MYO1D: variants seen among roughly 807,000 people sequenced by gnomAD.
MYO1D encodes the protein myosin ID, also known as unconventional myosin-Id.
In MYO1D, 83 loss-of-function variants were observed where a neutral mutation model predicts 122.0. The observed-to-expected ratio is 0.68, with a 90% CI of 0.57 to 0.82. MYO1D has a LOEUF of 0.82. Among genes scored for constraint, MYO1D ranks in the 40% least tolerant of loss-of-function variants. MYO1D has a pLI of 0.00. For missense variants in MYO1D, 1,157 were observed against 1,269.5 expected (o/e 0.91, Z 1.35); for synonymous variants, 464 against 446.9 (o/e 1.04, Z -0.48).
intron 1 of MYO1D, among the ~76,000 whole-genome samples, chr17:32,836,470 A>T (rs1308810745): frequency 6.6e-6 from 1 of 152,170 alleles, no homozygotes; most frequent in East Asian, 1.9e-4. Flanking sequence ...GCTCATTCCC[A>T]GTTAATTCTC....
At chr17:32,523,682 T>A (rs1910236992) in intron 21 of MYO1D, among the ~76,000 whole-genome samples, 1 of 150,270 alleles carries the variant, frequency 6.7e-6, no homozygotes, top group African/African-American at 2.5e-5. Flanking sequence ...GCACTTATAG[T>A]CCCAGCTACT....
chr17:32,520,067 A>G (rs757935222), intron 21 of MYO1D, among the ~76,000 whole-genome samples: 1 of 152,144 alleles, frequency 6.6e-6, no homozygotes, highest in Non-Finnish European at 1.5e-5. Context: ...TCCTGCTCAG[A>G]TTCCTGCTCC....
At chr17:32,726,618 GATATAGATA>G (rs2089577280) in intron 14 of MYO1D, among the ~76,000 whole-genome samples, 1 of 149,086 alleles carries the variant, frequency 6.7e-6, no homozygotes, top group Non-Finnish European at 1.5e-5. Flanking sequence ...AGATATAATA[GATATAGATA>G]TTAGATAATA....
At chr17:32,790,673 A>T (rs1162797623) in intron 1 of MYO1D, among the ~76,000 whole-genome samples, 2 of 152,208 alleles carry the variant, frequency 1.3e-5, no homozygotes, top group African/African-American at 2.4e-5. Context: ...TCAACTTCTG[A>T]GACAGACTTT....
chr17:32,665,325 C>T lies in MYO1D; in HGVS notation c.2122-5987G>A, dbSNP rs551176340. On this transcript the variant is annotated intron_variant, in intron 16 of 21. Coordinates refer to ENST00000318217, the MANE Select transcript of MYO1D (RefSeq NM_015194.3). ...CTTACATATTATGGTGTTATTTATG[C>T]TCTCTCCCACTAGAATTTAAGGGCC... is the stretch of plus-strand genomic sequence containing the variant. Among the ~76,000 whole-genome samples the T allele has an allele frequency of 2.4e-4, 37 of 152,090 alleles. 1 individual carries two copies. The highest frequency in any genetic ancestry group is 8.7e-4 in the African/African-American group (36 of 41,494).
At chr17:32,839,050 T>C (rs575158051) in intron 1 of MYO1D, among the ~76,000 whole-genome samples, 1 of 152,196 alleles carries the variant, frequency 6.6e-6, no homozygotes, top group Non-Finnish European at 1.5e-5. Context: ...TTCCATCATA[T>C]ATTTTTGCAA....
chr17:32,784,574 CAA>C (rs1567641113), intron 1 of MYO1D, among the ~76,000 whole-genome samples: 1 of 151,636 alleles, frequency 6.6e-6, no homozygotes, highest in Non-Finnish European at 1.5e-5. Context: ...TTAAGTGAAA[CAA>C]AGAGGTTCTA....
intron 21 of MYO1D, among the ~76,000 whole-genome samples, chr17:32,598,468 T>C (rs2087524517): frequency 6.6e-6 from 1 of 152,214 alleles, no homozygotes; most frequent in African/African-American, 2.4e-5. Context: ...AATTTTTGAT[T>C]TGTGGAATAC....
At chr17:32,741,534 C>T (rs1366496620) in intron 13 of MYO1D, among the ~76,000 whole-genome samples, 1 of 152,100 alleles carries the variant, frequency 6.6e-6, no homozygotes, top group Non-Finnish European at 1.5e-5. Context: ...TAGCCTGATG[C>T]CTTTATTTGT....
At chr17:32,540,981 G>A (rs1431642021) in intron 21 of MYO1D, among the ~76,000 whole-genome samples, 1 of 150,310 alleles carries the variant, frequency 6.7e-6, no homozygotes, top group Non-Finnish European at 1.5e-5. Context: ...GAAATTAGAA[G>A]CTTCATACGC....
Position 32,745,212 on chromosome 17 carries a change from T to G in MYO1D, c.1612A>C (p.Ser538Arg). ...FQDFKRLMYN[S>R]SNPVLKNMWP... The stretch of plus-strand genomic sequence containing the variant: ...TAATTAATAAAATTTCAATCTTACC[T>G]GTTATACATAAGGCGCTTGAAATCT... Residue 538 changes from serine (S) to arginine (R), a missense_variant and splice_region_variant, in exon 13 of 22, where the codon AGT (serine) becomes CGT (arginine). Transcript: ENST00000318217. 6.8e-7 allele frequency: 1 copy of G among 1,465,746 alleles called. No homozygotes were observed. The highest frequency in any genetic ancestry group is 9.5e-7 in the Non-Finnish European group (1 of 1,054,694). The allele number at this position is 1,465,746 out of a possible 1,614,324, so 90.8% of individuals were successfully genotyped here.
chr17:32,643,081 T>C (rs533218471), intron 19 of MYO1D, among the ~76,000 whole-genome samples: 3 of 152,336 alleles, frequency 2.0e-5, no homozygotes, highest in Admixed American at 2.0e-4. Flanking sequence ...GTTCTTATTA[T>C]TTTGAGATAC....
At chr17:32,530,528 C>T (rs1910476272) in intron 21 of MYO1D, among the ~76,000 whole-genome samples, 1 of 152,182 alleles carries the variant, frequency 6.6e-6, no homozygotes, top group African/African-American at 2.4e-5. Context: ...AGGCTTAGTG[C>T]AGTAGCTCAC....
chr17:32,674,161 G>A (rs758012949), intron 16 of MYO1D, among the ~76,000 whole-genome samples: 1 of 152,162 alleles, frequency 6.6e-6, no homozygotes, highest in Non-Finnish European at 1.5e-5. Context: ...GGCACTGTGT[G>A]GGGGTGGAGT....
At chr17:32,542,260 A>G (rs1910858246) in intron 21 of MYO1D, among the ~76,000 whole-genome samples, 1 of 152,218 alleles carries the variant, frequency 6.6e-6, no homozygotes, top group South Asian at 2.1e-4. Flanking sequence ...TATAACAAAA[A>G]AAGAAAAGAA....
In MYO1D at chr17:32,778,568, T is replaced by C; in HGVS notation, c.310A>G (p.Ser104Gly). The C allele has an allele frequency of 6.2e-7, 1 of 1,613,612 alleles. No homozygotes were observed. Among genetic ancestry groups the C allele is most frequent in the Non-Finnish European group, 8.5e-7 (1 of 1,179,570 alleles). ...CTGGCTTCCGTTTTACCAGCTCCAC[T>C]TTCCCCTGGGGGGAAAAATTGTTCA... ...KDTCIVISGE[S>G]GAGKTEASKY... The change falls in exon 3 of 22, where the codon AGT becomes GGT. Residue 104 changes from serine (S) to glycine (G), a missense_variant. Transcript: ENST00000318217.
intron 21 of MYO1D, among the ~76,000 whole-genome samples, chr17:32,525,434 AT>A (rs2150869999): frequency 6.7e-6 from 1 of 148,850 alleles, no homozygotes; most frequent in South Asian, 2.1e-4. Context: ...TTATCAAGTG[AT>A]TTCTAAAATT....
At chr17:32,788,354 C>T (rs923529933) in intron 1 of MYO1D, among the ~76,000 whole-genome samples, 10 of 152,104 alleles carry the variant, frequency 6.6e-5, no homozygotes, top group East Asian at 1.9e-4. Context: ...GTCATGAATT[C>T]GTTGCCCAAG....
chr17:32,677,589 AT>A (rs2088837201), intron 16 of MYO1D, among the ~76,000 whole-genome samples: 1 of 13,556 alleles, frequency 7.4e-5, no homozygotes, highest in Non-Finnish European at 1.8e-4. Context: ...AAATATATAT[AT>A]ATATATATAT....
Sources: allele counts gnomAD v4.1 joint callset (sites outside exome capture counted in the v4.1 genomes callset), GRCh38; gene constraint gnomAD v4.1.1; transcripts MANE v1.5; gene names NCBI Gene and HGNC (gene_info 2026-07-23, HGNC 2026-07-21).